CCR9: variants seen among roughly 807,000 people sequenced by gnomAD.
CCR9 encodes C-C motif chemokine receptor 9, also known as C-C chemokine receptor type 9.
CCR9 carries 4 observed loss-of-function variants against 8.7 expected under a neutral mutation model. The ratio of observed to expected loss-of-function variants is 0.46; its 90% CI spans 0.23 to 1.06. The LOEUF is 1.06. CCR9 is among the 50% of genes least tolerant of loss of function. The pLI, the probability that CCR9 is intolerant of heterozygous loss-of-function variation, is 0.21. For missense variants in CCR9, 394 were observed against 453.6 expected, an observed-to-expected ratio of 0.87 and a Z score of 1.19; for synonymous variants, 159 against 168.8, an observed-to-expected ratio of 0.94 and a Z score of 0.45.
intron 1 of CCR9, among the ~76,000 whole-genome samples, chr3:45,887,382 G>A (rs1242331108): frequency 1.3e-5 from 2 of 152,164 alleles, no homozygotes; most frequent in Admixed American, 6.5e-5. Flanking sequence ...TATTATGTAT[G>A]TTGGCATTTT....
chr3:45,902,088 G>T lies in CCR9; in HGVS notation c.*190G>T. 1 of 568,328 alleles carries T rather than the reference G, an allele frequency of 1.8e-6. No individual in the cohort carries two copies. The highest frequency in any genetic ancestry group is 3.1e-6 in the Non-Finnish European group (1 of 321,014). 35.2% of individuals were successfully genotyped at this position (568,328 alleles called of 1,614,324 possible). On this transcript the variant is annotated 3_prime_UTR_variant, in exon 3 of 3. Transcript: ENST00000357632. ...TCAAAATCAACTGACTAGTGCAGGA[G>T]GCTGTTGATTGGCTCTTGACTGTGA...
rs552933184 is a variant in CCR9 at position 45,902,772 on chromosome 3, G to A, written c.*874G>A. The A allele has an allele frequency of 3.6e-5, 6 of 167,182 alleles. No homozygotes were observed. In the East Asian group the frequency reaches 1.2e-3, roughly 32 times the overall value. The allele number at this position is 167,182 out of a possible 1,614,324, so 10.4% of individuals were successfully genotyped here. A position where few individuals can be genotyped will look rare whatever the true frequency, so the allele number is the denominator to read the frequency against. ...GGGTCCACCGTCTGTCTGCTCCCTA[G>A]AAAATGGGCTGGTTCTTTTGGCCCT... On this transcript the variant is annotated 3_prime_UTR_variant, in exon 3 of 3. Coordinates refer to ENST00000357632, the MANE Select transcript of CCR9 (RefSeq NM_031200.3).
At chr3:45,889,508 AC>A (rs1702082914) in intron 1 of CCR9, among the ~76,000 whole-genome samples, 1 of 151,854 alleles carries the variant, frequency 6.6e-6, no homozygotes, top group African/African-American at 2.4e-5. Context: ...TTTAAATCTG[AC>A]AAGTTATTTT....
rs1575292875 is a variant in CCR9 at position 45,889,651 on chromosome 3, G to A, written c.-29+2996G>A. ...TCAGTCTCCTTCCAGAAAATGTTTC[G>A]GTGCTGGTGAGCAGTGCAGTGTATG... On this transcript the variant is annotated intron_variant, in intron 1 of 2. Coordinates refer to ENST00000357632, the MANE Select transcript of CCR9 (RefSeq NM_031200.3). Among the ~76,000 whole-genome samples, 3 of 151,694 alleles carry A rather than the reference G, an allele frequency of 2.0e-5. 1 individual carries two copies.
intron 1 of CCR9, among the ~76,000 whole-genome samples, chr3:45,893,452 G>A (rs1366897260): frequency 6.6e-6 from 1 of 151,992 alleles, no homozygotes; most frequent in East Asian, 1.9e-4. Flanking sequence ...ACCATGCCCA[G>A]CCACCTCCCC....
At chr3:45,896,211 T>A (rs1278149322) in intron 2 of CCR9, among the ~76,000 whole-genome samples, 1 of 152,238 alleles carries the variant, frequency 6.6e-6, no homozygotes, top group East Asian at 1.9e-4. Context: ...CAGAAGTAGA[T>A]GAAGGCAGCA....
rs149181606 is a variant in CCR9 at position 45,897,100 on chromosome 3, G to A, written c.21+2146G>A. On this transcript the variant is annotated intron_variant, in intron 2 of 2. Transcript: ENST00000357632. ...AGCCTGTGGGCTCAGAGGCTTGCCA[G>A]GACACAGACAGGCAGGATGGGCCCC... Among the ~76,000 whole-genome samples, 107 of 152,312 alleles carry A rather than the reference G, an allele frequency of 7.0e-4. No individual in the cohort carries two copies. The East Asian group carries it at 7.2e-3, about 10-fold the overall frequency.
chr3:45,892,679 T>C (rs929207255), intron 1 of CCR9, among the ~76,000 whole-genome samples: 2 of 152,014 alleles, frequency 1.3e-5, no homozygotes, highest in African/African-American at 4.8e-5. Flanking sequence ...GCAATTTACC[T>C]ATATGACAAA....
intron 1 of CCR9, among the ~76,000 whole-genome samples, chr3:45,893,999 A>G (rs990530101): frequency 2.6e-5 from 4 of 152,048 alleles, no homozygotes; most frequent in Non-Finnish European, 5.9e-5. Flanking sequence ...GAAAGAGGCT[A>G]TTTTTTTCGA....
In CCR9 at chr3:45,902,106, G is replaced by C. The variant is rs201544941; in HGVS notation, c.*208G>C. On this transcript the variant is annotated 3_prime_UTR_variant, in exon 3 of 3. Transcript: ENST00000357632. The stretch of plus-strand genomic sequence containing the variant: ...TGCAGGAGGCTGTTGATTGGCTCTT[G>C]ACTGTGATGCCCGCAATTCTCAAAG... 35 of 517,312 alleles carry C rather than the reference G, an allele frequency of 6.8e-5. No homozygotes were observed. In the South Asian group the frequency reaches 1.2e-3, roughly 18 times the overall value. The allele number at this position is 517,312 out of a possible 1,614,324, so 32.0% of individuals were successfully genotyped here. A position where few individuals can be genotyped will look rare whatever the true frequency, so the allele number is the denominator to read the frequency against.
chr3:45,897,598 T>C (rs1331518558), intron 2 of CCR9: 1 of 1,535,822 alleles, frequency 6.5e-7, no homozygotes, highest in Non-Finnish European at 8.7e-7. Flanking sequence ...CTTCCCTCGC[T>C]GGCCCAGGAA....
rs1702114618 is a variant in CCR9 at position 45,890,277 on chromosome 3, T to TATAAATATATATATAAC, written c.-29+3625_-29+3626insAATATATATATAACATA. 1.2e-4 allele frequency among the ~76,000 whole-genome samples: 8 copies of TATAAATATATATATAAC among 69,382 alleles called. 3 individuals are homozygous for TATAAATATATATATAAC. Among genetic ancestry groups the TATAAATATATATATAAC allele is most frequent in the African/African-American group, 4.2e-4 (8 of 19,244 alleles). 45.5% of individuals were successfully genotyped at this position (69,382 alleles called of 152,430 possible). A position where few individuals can be genotyped will look rare whatever the true frequency, so the allele number is the denominator to read the frequency against. On this transcript the variant is annotated intron_variant, in intron 1 of 2. Transcript: ENST00000357632. The stretch of plus-strand genomic sequence containing the variant: ...ATTAGAAATATATATATAACATATA[T>TATAAATATATATATAAC]ATATATTTATATAAATATATATATA...
At chr3:45,890,876 C>A (rs12330719) in intron 1 of CCR9, among the ~76,000 whole-genome samples, 2 of 152,256 alleles carry the variant, frequency 1.3e-5, no homozygotes, top group African/African-American at 4.8e-5. Flanking sequence ...CTTCACCTGT[C>A]TGAAGAATGT....
intron 1 of CCR9, among the ~76,000 whole-genome samples, chr3:45,889,453 C>T (rs1702080449): frequency 6.6e-6 from 1 of 152,086 alleles, no homozygotes; most frequent in Non-Finnish European, 1.5e-5. Flanking sequence ...GTTTTGTAAA[C>T]AGGTGTGCTG....
At chr3:45,897,461 CTT>C in intron 2 of CCR9, 1 of 757,388 alleles carries the variant, frequency 1.3e-6, no homozygotes, top group Non-Finnish European at 2.3e-6. Flanking sequence ...GGGATTCAGT[CTT>C]GGGAGTGTTA....
Position 45,901,267 on chromosome 3 carries a change from A to T in CCR9, c.479A>T (p.Lys160Ile). Residue 160 changes from lysine to isoleucine, a missense_variant, in exon 3 of 3, where the codon AAA (lysine) becomes ATA (isoleucine). Physicochemically the swap from Lys to Ile is moderately radical, Grantham distance 102 (BLOSUM62 -3). Transcript: ENST00000357632. The surrounding 1 kb of genome is among the most constrained non-coding windows in gnomAD (Gnocchi z 4.3). ...QAMRAHTWREKRLLYSKMVCF... is the reference protein window; with the variant it reads ...QAMRAHTWREIRLLYSKMVCF... ...ATGAGAGCACATACTTGGAGGGAGA[A>T]AAGGCTTTTGTACAGCAAAATGGTT... 6.2e-7 allele frequency: 1 copy of T among 1,614,220 alleles called. No individual in the cohort carries two copies. The highest frequency in any genetic ancestry group is 8.5e-7 in the Non-Finnish European group (1 of 1,180,042).
intron 2 of CCR9, among the ~76,000 whole-genome samples, chr3:45,896,764 C>A (rs1702369718): frequency 6.6e-6 from 1 of 152,176 alleles, no homozygotes; most frequent in Non-Finnish European, 1.5e-5. Context: ...CATTTTTTCC[C>A]CACCTCCCTC....
At position 45,902,039 on chromosome 3, in the gene CCR9, T is replaced by C; in HGVS notation, c.*141T>C. On this transcript the variant is annotated 3_prime_UTR_variant, in exon 3 of 3. Coordinates refer to ENST00000357632, the MANE Select transcript of CCR9 (RefSeq NM_031200.3). ...ATCTGAACTATATGATTACTTGTAGTCAGAATTTGCCAAAGCAAATATTTC... is the reference window on the plus strand; with the variant it reads ...ATCTGAACTATATGATTACTTGTAGCCAGAATTTGCCAAAGCAAATATTTC... 1.3e-6 allele frequency: 1 copy of C among 755,706 alleles called. No homozygotes were observed. Among genetic ancestry groups the C allele is most frequent in the Non-Finnish European group, 2.1e-6 (1 of 477,762 alleles). 46.8% of individuals were successfully genotyped at this position (755,706 alleles called of 1,614,324 possible).
At chr3:45,892,387 A>G (rs920981905) in intron 1 of CCR9, among the ~76,000 whole-genome samples, 1 of 152,202 alleles carries the variant, frequency 6.6e-6, no homozygotes, top group Non-Finnish European at 1.5e-5. Context: ...GCCATAAAAA[A>G]GAACAAGATC....
Sources: gnomAD v4.1 joint callset for allele counts (sites outside exome capture counted in the v4.1 genomes callset) on GRCh38, gnomAD v4.1.1 for gene constraint, Gnocchi (gnomAD v3.1) non-coding constraint, MANE v1.5 for transcripts, NCBI Gene and HGNC (gene_info 2026-07-23, HGNC 2026-07-21) for gene names.